Variants in PDE4D observed in about 807,000 individuals in gnomAD.
PDE4D encodes the protein 3',5'-cyclic-AMP phosphodiesterase 4D.
Under a neutral mutation model 87.4 loss-of-function variants are expected in PDE4D, and 24 were observed. That is an observed-to-expected ratio of 0.27 (90% CI 0.20 to 0.39). The LOEUF is 0.39. PDE4D is among the 10% of genes least tolerant of loss of function. PDE4D has a pLI of 1.00. For missense variants in PDE4D, 714 were observed against 1,041.0 expected (o/e 0.69, Z 4.32); for synonymous variants, 384 against 383.2 (o/e 1.00, Z -0.02).
At chr5:60,503,716 C>T (rs560355120) in intron 1 of PDE4D, among the ~76,000 whole-genome samples, 14 of 152,198 alleles carry the variant, frequency 9.2e-5, no homozygotes, top group East Asian at 1.9e-4. Flanking sequence ...TGGTCTTCTA[C>T]GGGTTTATCA....
intron 2 of PDE4D, among the ~76,000 whole-genome samples, chr5:60,089,115 T>G (rs931703592): frequency 6.6e-6 from 1 of 151,994 alleles, no homozygotes; most frequent in Non-Finnish European, 1.5e-5. Flanking sequence ...ACTCCACTTT[T>G]GGCAGCAGAT....
chr5:59,327,271 G>A lies in PDE4D; in HGVS notation c.456-111303C>T, dbSNP rs534210684. 5.9e-5 allele frequency among the ~76,000 whole-genome samples: 9 copies of A among 151,950 alleles called. No homozygotes were observed. The South Asian group carries it at 1.9e-3, about 32-fold the overall frequency. ...GTGCCCATATAACTGAATGGTCTCT[G>A]GATCTGGTAGCTAAAAGTGCTTTAC... On this transcript the variant is annotated intron_variant, in intron 1 of 14. Coordinates refer to ENST00000340635, the MANE Select transcript of PDE4D (RefSeq NM_001104631.2).
chr5:59,396,485 C>G (rs1343348635), intron 1 of PDE4D, among the ~76,000 whole-genome samples: 2 of 89,172 alleles, frequency 2.2e-5, no homozygotes, highest in African/African-American at 1.1e-4. Context: ...CCAAACTAAG[C>G]TTCATAAGTG....
intron 2 of PDE4D, among the ~76,000 whole-genome samples, chr5:60,111,595 C>T (rs1349791485): frequency 6.6e-6 from 1 of 151,898 alleles, no homozygotes; most frequent in Admixed American, 6.6e-5. Context: ...CATACATCTT[C>T]CCCCATTTAA....
intron 1 of PDE4D, among the ~76,000 whole-genome samples, chr5:59,357,576 T>C (rs1781591778): frequency 6.6e-6 from 1 of 152,298 alleles, no homozygotes; most frequent in South Asian, 2.1e-4. Flanking sequence ...AGAGAGTGAA[T>C]TACAATGCAT....
intron 1 of PDE4D, among the ~76,000 whole-genome samples, chr5:59,267,698 G>A (rs1223018152): frequency 6.6e-6 from 1 of 152,062 alleles, no homozygotes; most frequent in Non-Finnish European, 1.5e-5. Flanking sequence ...TAGAATTTAA[G>A]CAAAGAAGAT....
chr5:59,369,810 T>C (rs1002036413), intron 1 of PDE4D, among the ~76,000 whole-genome samples: 2 of 152,104 alleles, frequency 1.3e-5, no homozygotes, highest in Admixed American at 6.6e-5. Context: ...GTGAACTCTA[T>C]AGTGGGTGGA....
chr5:59,470,688 T>A (rs1471406582), intron 1 of PDE4D, among the ~76,000 whole-genome samples: 3 of 152,200 alleles, frequency 2.0e-5, no homozygotes, highest in African/African-American at 7.2e-5. Flanking sequence ...TCAGGAAATA[T>A]TTTAATTAAT....
intron 5 of PDE4D, among the ~76,000 whole-genome samples, chr5:59,094,216 CAAAA>C (rs1164383460): frequency 3.9e-3 from 56 of 14,536 alleles, no homozygotes; most frequent in African/African-American, 7.5e-3. Context: ...GACTCCGTCT[CAAAA>C]AAAAAAAAAA....
chr5:59,476,819 A>G (rs1010246126), intron 1 of PDE4D, among the ~76,000 whole-genome samples: 2 of 152,126 alleles, frequency 1.3e-5, no homozygotes, highest in African/African-American at 4.8e-5. Context: ...TCCAAAAATT[A>G]CAAAATAAAT....
At chr5:59,378,525 A>G (rs1785134685) in intron 1 of PDE4D, among the ~76,000 whole-genome samples, 2 of 152,212 alleles carry the variant, frequency 1.3e-5, no homozygotes, top group South Asian at 4.1e-4. Flanking sequence ...AAGCTCCAAG[A>G]AAAGTGTTAG....
At chr5:60,006,299 G>A (rs778226396) in intron 2 of PDE4D, among the ~76,000 whole-genome samples, 31 of 145,510 alleles carry the variant, frequency 2.1e-4, no homozygotes, top group Non-Finnish European at 4.2e-4. Context: ...AATTACTTTC[G>A]CGCCAACCAA....
chr5:59,443,857 T>G (rs180741334), intron 1 of PDE4D, among the ~76,000 whole-genome samples: 460 of 151,616 alleles, frequency 3.0e-3, no homozygotes, highest in African/African-American at 0.011. Flanking sequence ...ACAATGATGA[T>G]AGAAAATAGG....
intron 1 of PDE4D, among the ~76,000 whole-genome samples, chr5:59,522,301 A>C (rs1042445151): frequency 6.6e-6 from 1 of 152,238 alleles, no homozygotes; most frequent in African/African-American, 2.4e-5. Context: ...TTTTAAAACA[A>C]GTCTTATGAA....
At chr5:60,112,618 A>G (rs142902810) in intron 2 of PDE4D, among the ~76,000 whole-genome samples, 452 of 152,164 alleles carry the variant, frequency 3.0e-3, no homozygotes, top group Middle Eastern at 6.8e-3. Flanking sequence ...CAAACTTAAC[A>G]CTAAACTCTG....
At chr5:60,465,621 A>G (rs1747291511) in intron 1 of PDE4D, among the ~76,000 whole-genome samples, 8 of 152,202 alleles carry the variant, frequency 5.3e-5, no homozygotes, top group Admixed American at 5.2e-4. Context: ...GGAAGCTATC[A>G]ATATCTGATA....
Position 59,748,112 on chromosome 5 carries a change from T to A in PDE4D, c.455+145056A>T, listed in dbSNP as rs111699738. Among the ~76,000 whole-genome samples, 617 of 152,312 alleles carry A rather than the reference T, an allele frequency of 4.1e-3. 7 individuals carry two copies. The highest frequency in any genetic ancestry group is 0.014 in the African/African-American group (585 of 41,568). On this transcript the variant is annotated intron_variant, in intron 1 of 14. Transcript: ENST00000340635. ...TAAGGAGGCCTTCACCTCCAGATAC[T>A]CACAACTTTGAGTAGTCCTCTCTCA...
At chr5:59,367,926 C>T (rs1783341972) in intron 1 of PDE4D, among the ~76,000 whole-genome samples, 1 of 152,222 alleles carries the variant, frequency 6.6e-6, no homozygotes, top group South Asian at 2.1e-4. Flanking sequence ...CCACTTCGTG[C>T]CAGTCTGCAA....
At chr5:60,224,049 T>C (rs1243360809) in intron 1 of PDE4D, among the ~76,000 whole-genome samples, 1 of 152,142 alleles carries the variant, frequency 6.6e-6, no homozygotes. Context: ...CATGGCAGTA[T>C]TGTTTGCTTC....
Sources: gnomAD v4.1 joint callset for allele counts (sites outside exome capture counted in the v4.1 genomes callset) on GRCh38, gnomAD v4.1.1 for gene constraint, MANE v1.5 for transcripts, NCBI Gene and HGNC (gene_info 2026-07-23, HGNC 2026-07-21) for gene names.